Variants in DSP observed in about 807,000 individuals in gnomAD.
DSP encodes desmoplakin.
DSP carries 114 observed loss-of-function variants against 290.6 expected under a neutral mutation model. That is an observed-to-expected ratio of 0.39 (90% CI 0.34 to 0.46). The LOEUF is 0.46. Ranked by LOEUF, DSP falls within the 20% of genes least tolerant of loss-of-function variation. The probability of loss-of-function intolerance (pLI) is 0.99; values close to 1 mark genes in which losing one functional copy is unlikely to be tolerated. For missense variants in DSP, 3,230 were observed against 3,495.8 expected, an observed-to-expected ratio of 0.92 and a Z score of 1.92; for synonymous variants, 1,311 against 1,316.4, an observed-to-expected ratio of 1.00 and a Z score of 0.09.
rs768521444 is a variant in DSP, at chr6:7,555,797, C to G, written c.250C>G (p.Arg84Gly). ...LLQNCSDCLM[R>G]AELIVQPELK... ...GCAGAACTGCTCCGACTGCTTGATG[C>G]GAGCAGAGCTCATCGTGCAGCCTGT... is the stretch of plus-strand genomic sequence containing the variant. Residue 84 changes from arginine (R) to glycine (G), a missense_variant, in exon 2 of 24, where the codon CGA (arginine) becomes GGA (glycine). Transcript: ENST00000379802. 6.2e-7 allele frequency: 1 copy of G among 1,614,140 alleles called. No individual in the cohort carries two copies. The highest frequency in any genetic ancestry group is 8.5e-7 in the Non-Finnish European group (1 of 1,180,018).
At chr6:7,574,294 A>G (rs1227971228) in intron 16 of DSP, 42 bp downstream of exon 16, 3 of 1,598,246 alleles carry the variant, frequency 1.9e-6, no homozygotes, top group South Asian at 1.1e-5. Context: ...CCTTTTCTCA[A>G]GCTTCTTTTT....
chr6:7,585,012 A>G lies in DSP; in HGVS notation c.7750A>G (p.Ser2584Gly), dbSNP rs755017000. The change falls in exon 24 of 24, where the codon AGC becomes GGC. Residue 2584 changes from serine (S) to glycine (G), a missense_variant. Physicochemically the swap from Ser to Gly is moderately conservative, Grantham distance 56. Around this residue, in one of 5 missense-constraint regions of DSP, gnomAD observed 582 missense variants for 555.4 expected, o/e 1.05. Transcript: ENST00000379802. The part of the protein sequence containing the change: ...GSGVSDDVFS[S>G]SRHESVSKIS... ...TGGTGTCAGCGATGATGTTTTTAGCAGCTCCCGACATGAATCAGTAAGTAA... is the reference window on the plus strand; with the variant it reads ...TGGTGTCAGCGATGATGTTTTTAGCGGCTCCCGACATGAATCAGTAAGTAA... 6.2e-7 allele frequency: 1 copy of G among 1,614,216 alleles called. No individual in the cohort carries two copies. The highest frequency in any genetic ancestry group is 8.5e-7 in the Non-Finnish European group (1 of 1,180,044).
rs1581827591 is a variant in DSP, at chr6:7,586,156, C to T, written c.*278C>T. The T allele has an allele frequency of 3.0e-6, 1 of 335,622 alleles. No individual in the cohort carries two copies. Among genetic ancestry groups the T allele is most frequent in the South Asian group, 4.8e-5 (1 of 21,022 alleles). The allele number at this position is 335,622 out of a possible 1,614,324, so 20.8% of individuals were successfully genotyped here. ...ATCGAACTTAGGATTTGTTTCTTCT[C>T]TTCTGTGTTTCGATTTTTGATCAAT... On this transcript the variant is annotated 3_prime_UTR_variant, in exon 24 of 24. Coordinates refer to ENST00000379802, the MANE Select transcript of DSP (RefSeq NM_004415.4).
chr6:7,560,283 A>T (rs1758639099), intron 4 of DSP, among the ~76,000 whole-genome samples: 1 of 152,094 alleles, frequency 6.6e-6, no homozygotes, highest in Non-Finnish European at 1.5e-5. Context: ...AAATTTCTCA[A>T]CTCCTTTAAA....
intron 2 of DSP, 93 bp from the exon 3 acceptor site, chr6:7,558,022 AT>A: frequency 1.4e-6 from 2 of 1,463,070 alleles, no homozygotes; most frequent in Non-Finnish European, 9.6e-7. Context: ...AGTTTTTGTC[AT>A]GTTTACAGTG....
chr6:7,562,281 T>C (rs956589041), intron 4 of DSP, among the ~76,000 whole-genome samples: 1 of 152,206 alleles, frequency 6.6e-6, no homozygotes, highest in Non-Finnish European at 1.5e-5. Context: ...CATTTAAGAA[T>C]GATTAAATGA....
intron 11 of DSP, among the ~76,000 whole-genome samples, chr6:7,568,888 G>T (rs1758945455): frequency 6.6e-6 from 1 of 152,158 alleles, no homozygotes; most frequent in South Asian, 2.1e-4. Context: ...TCTGATAAAA[G>T]AAATGAGAAA....
Position 7,580,572 on chromosome 6 carries a change from A to G in DSP, c.4382A>G (p.Glu1461Gly). ...LRQVTQMRTE[E>G]SVRYKQSLDD... ...CAAGTCACTCAGATGCGAACAGAGGAGAGCGTAAGATATAAGCAATCTCTT... is the reference window on the plus strand; with the variant it reads ...CAAGTCACTCAGATGCGAACAGAGGGGAGCGTAAGATATAAGCAATCTCTT... The change falls in exon 23 of 24, where the codon GAG (glutamate) becomes GGG (glycine). Residue 1461 changes from glutamate (E) to glycine (G), a missense_variant. By Grantham distance (98) the Glu-to-Gly change is moderately conservative. This residue lies in a region of DSP where 1,714 missense variants were observed against 1,844.5 expected (regional missense o/e 0.93). Transcript: ENST00000379802. This position sits in a 1 kb window ranked among gnomAD's most constrained non-coding sequence, Gnocchi z 4.2. 1 of 1,614,180 alleles carries G rather than the reference A, an allele frequency of 6.2e-7. No homozygotes were observed. The highest frequency in any genetic ancestry group is 8.5e-7 in the Non-Finnish European group (1 of 1,180,036).
At chr6:7,561,592 C>G (rs58684971) in intron 4 of DSP, among the ~76,000 whole-genome samples, 6,269 of 152,212 alleles carry the variant, frequency 0.041, 403 homozygotes, top group African/African-American at 0.14. Context: ...AATGAGACGC[C>G]TGAGCTGGAG....
chr6:7,583,718 G>C lies in DSP; in HGVS notation c.6456G>C (p.Gly2152=). The part of the protein sequence containing the change: ...FLPKDVALAR[G]LIDRDLYRSL... ...CAAAAGATGTCGCCTTGGCCCGGGG[G>C]CTGATTGATAGAGATTTGTATCGAT... Residue 2152 remains glycine (G), a synonymous_variant, in exon 24 of 24, where the codon GGG becomes GGC. Transcript: ENST00000379802. The surrounding 1 kb of genome is among the most constrained non-coding windows in gnomAD (Gnocchi z 4.0). 6.2e-7 allele frequency: 1 copy of C among 1,614,108 alleles called. No homozygotes were observed. Among genetic ancestry groups the C allele is most frequent in the Non-Finnish European group, 8.5e-7 (1 of 1,180,022 alleles).
chr6:7,571,881 A>G lies in DSP; in HGVS notation c.1943A>G (p.Asp648Gly). Residue 648 changes from aspartate to glycine, a missense_variant, in exon 15 of 24, where the codon GAT becomes GGT. Around this residue, in one of 5 missense-constraint regions of DSP, gnomAD observed 1,714 missense variants for 1,844.5 expected, o/e 0.93. Coordinates refer to ENST00000379802, the MANE Select transcript of DSP (RefSeq NM_004415.4). ...TEITHHGTCQ[D>G]VNHNKVIETN... ...ATCACTCATCATGGAACCTGCCAAG[A>G]TGTCAACCATAATAAAGTAATTGAA... 1 of 1,613,906 alleles carries G rather than the reference A, an allele frequency of 6.2e-7. No homozygotes were observed. Among genetic ancestry groups the G allele is most frequent in the Non-Finnish European group, 8.5e-7 (1 of 1,180,022 alleles).
Position 7,585,323 on chromosome 6 carries a change from G to A in DSP, c.8061G>A (p.Arg2687=), listed in dbSNP as rs1294733513. 1 of 1,614,164 alleles carries A rather than the reference G, an allele frequency of 6.2e-7. No homozygotes were observed. The highest frequency in any genetic ancestry group is 2.2e-5 in the East Asian group (1 of 44,876). ...TGATTGACCAAGACATGGCCACCAG[G>A]CTGAAGCCTGCTCAGAAAGCCTTCA... ...QGVIDQDMAT[R]LKPAQKAFIG... The change falls in exon 24 of 24, where the codon AGG becomes AGA. Residue 2687 remains arginine (R), a synonymous_variant. Transcript: ENST00000379802.
chr6:7,574,494 C>T (rs192580166), intron 16 of DSP, among the ~76,000 whole-genome samples, 163 bp from the exon 17 acceptor site: 52 of 152,172 alleles, frequency 3.4e-4, no homozygotes, highest in African/African-American at 9.9e-4. Flanking sequence ...AATTCTTCAG[C>T]GAATACAAAA....
chr6:7,551,021 T>C (rs1378061838), intron 1 of DSP, among the ~76,000 whole-genome samples: 1 of 152,172 alleles, frequency 6.6e-6, no homozygotes, highest in Non-Finnish European at 1.5e-5. Context: ...TATTTCTTTA[T>C]CCATTATAGA....
intron 21 of DSP, among the ~76,000 whole-genome samples, 200 bp from the exon 22 acceptor site, chr6:7,578,264 G>A (rs1386196691): frequency 6.6e-6 from 1 of 152,186 alleles, no homozygotes; most frequent in Non-Finnish European, 1.5e-5. Context: ...AGGGGAAACA[G>A]CCTGGAGAGA....
chr6:7,572,782 C>T (rs1290143905), intron 15 of DSP, among the ~76,000 whole-genome samples: 4 of 152,048 alleles, frequency 2.6e-5, no homozygotes, highest in Non-Finnish European at 4.4e-5. Context: ...CATGGTTAGG[C>T]GATTTTGTCA....
intron 17 of DSP, among the ~76,000 whole-genome samples, 176 bp downstream of exon 17, chr6:7,574,971 A>G (rs1009805520): frequency 2.0e-5 from 3 of 152,246 alleles, no homozygotes; most frequent in Admixed American, 6.5e-5. Context: ...CTGTGTTAGC[A>G]GGAACTATAT....
At chr6:7,569,414 T>C in intron 12 of DSP, 74 bp downstream of exon 12, 1 of 1,605,454 alleles carries the variant, frequency 6.2e-7, no homozygotes, top group Non-Finnish European at 8.5e-7. Context: ...CAGGTGTTTA[T>C]ACCTGAAGCT....
intron 5 of DSP, 85 bp from the exon 6 acceptor site, chr6:7,563,651 G>A (rs543053921): frequency 1.5e-5 from 16 of 1,086,262 alleles, no homozygotes; most frequent in East Asian, 1.2e-4. Flanking sequence ...GCCAGTATCT[G>A]AAGAAAAGGA....
Sources: gnomAD v4.1 joint callset for allele counts (sites outside exome capture counted in the v4.1 genomes callset) on GRCh38, gnomAD v4.1.1 for gene constraint, gnomAD v4.1.1 regional missense constraint, Gnocchi (gnomAD v3.1) non-coding constraint, MANE v1.5 for transcripts, NCBI Gene and HGNC (gene_info 2026-07-23, HGNC 2026-07-21) for gene names.